The following ANKRD35 variants were observed in gnomAD, a reference collection of about 807,000 sequenced individuals.
The protein encoded by ANKRD35 is ankyrin repeat domain 35.
ANKRD35 carries 102 observed loss-of-function variants against 109.9 expected under a neutral mutation model. The ratio of observed to expected loss-of-function variants is 0.93; its 90% CI spans 0.79 to 1.09. ANKRD35 has a LOEUF of 1.09. Ranked by LOEUF, ANKRD35 falls within the 50% of genes least tolerant of loss-of-function variation. The pLI, the probability that ANKRD35 is intolerant of heterozygous loss-of-function variation, is 0.00. For synonymous variants in ANKRD35, 515 were observed against 512.4 expected, an observed-to-expected ratio of 1.01 and a Z score of -0.07; for missense variants, 1,240 against 1,230.1, an observed-to-expected ratio of 1.01 and a Z score of -0.12.
Position 145,879,307 on chromosome 1 carries a change from AGGCCAG to A in ANKRD35, c.115_120del (p.Leu39_Ala40del). 2.5e-6 allele frequency: 4 copies of A among 1,611,620 alleles called. No homozygotes were observed. Among genetic ancestry groups the A allele is most frequent in the Non-Finnish European group, 3.4e-6 (4 of 1,179,020 alleles). On this transcript the variant is annotated inframe_deletion, in exon 2 of 14. Coordinates refer to ENST00000355594, the MANE Select transcript of ANKRD35 (RefSeq NM_144698.5). ...TTGGTGGGTCGGGCAGATTTCCTGG[AGGCCAG>A]GGCAGCCACGCGTCCCACATCCCCC...
chr1:145,882,866 T>C (rs1448673324), intron 1 of ANKRD35, among the ~76,000 whole-genome samples: 2 of 152,166 alleles, frequency 1.3e-5, no homozygotes, highest in Non-Finnish European at 2.9e-5. Context: ...AAGCTTTGTA[T>C]TTCCATAGCT....
In ANKRD35 at chr1:145,870,243, C is replaced by G. The variant is rs191103028; in HGVS notation, c.2787+1739G>C. ...AGTAGCTGGGAGTACAGGCGCCCAC[C>G]ACCACGCCCGGATAATTTTTTTGTA... On this transcript the variant is annotated intron_variant, in intron 10 of 13. Transcript: ENST00000355594. Among the ~76,000 whole-genome samples the G allele has an allele frequency of 6.7e-3, 1,013 of 151,954 alleles. 12 individuals are homozygous for G. The highest frequency in any genetic ancestry group is 0.023 in the African/African-American group (961 of 41,396).
At chr1:145,879,597 A>T (rs1654214918) in intron 1 of ANKRD35, among the ~76,000 whole-genome samples, 1 of 152,068 alleles carries the variant, frequency 6.6e-6, no homozygotes, top group African/African-American at 2.4e-5. Flanking sequence ...ATTGCTGGTT[A>T]TTTCCAGCCC....
In ANKRD35 at chr1:145,872,395, C is replaced by T. The variant is rs1553738909; in HGVS notation, c.2374G>A (p.Glu792Lys). ...LEQDLGKLEE[E>K]LRAVQATMSG... ...ATCGTGGCCTGAACTGCCCGCAGCT[C>T]TTCCTCCAGCTTCCCCAGGTCTTGC... Residue 792 changes from glutamate (E) to lysine (K), a missense_variant, in exon 10 of 14, where the codon GAG (glutamate) becomes AAG (lysine). Transcript: ENST00000355594. 1 of 1,613,224 alleles carries T rather than the reference C, an allele frequency of 6.2e-7. No individual in the cohort carries two copies. The highest frequency in any genetic ancestry group is 8.5e-7 in the Non-Finnish European group (1 of 1,179,730).
rs1393504681 is a variant in ANKRD35, at chr1:145,878,007, G to T, written c.285C>A (p.Thr95=). 1 of 1,614,112 alleles carries T rather than the reference G, an allele frequency of 6.2e-7. No individual in the cohort carries two copies. The highest frequency in any genetic ancestry group is 8.5e-7 in the Non-Finnish European group (1 of 1,180,008). ...TAACACACTGTGGCTGGCAGGAGAT[G>T]GTGGCCAAGTGTAGGGCAGTGCTTC... ...EDGSTALHLA[T]ISCQPQCVKV... The change falls in exon 4 of 14, where the codon ACC becomes ACA. Residue 95 remains threonine, a synonymous_variant. Coordinates refer to ENST00000355594, the MANE Select transcript of ANKRD35 (RefSeq NM_144698.5).
At chr1:145,874,483 C>T (rs782045452) in intron 8 of ANKRD35, among the ~76,000 whole-genome samples, 3 of 152,170 alleles carry the variant, frequency 2.0e-5, no homozygotes, top group Non-Finnish European at 4.4e-5. Context: ...GTGAGCAAAA[C>T]AGAAATGGCC....
At chr1:145,874,342 T>C in intron 8 of ANKRD35, 150 bp from the exon 9 acceptor site, 1 of 879,780 alleles carries the variant, frequency 1.1e-6, no homozygotes, top group Non-Finnish European at 1.8e-6. Context: ...GCCAATCTTG[T>C]TTAGTGGATC....
At chr1:145,884,938 T>C (rs1282066900) in intron 1 of ANKRD35, among the ~76,000 whole-genome samples, 2 of 152,166 alleles carry the variant, frequency 1.3e-5, no homozygotes, top group African/African-American at 4.8e-5. Flanking sequence ...CAGGCAACTG[T>C]GCATCCTCTG....
At chr1:145,885,410 G>T (rs1417314236) in intron 1 of ANKRD35, among the ~76,000 whole-genome samples, 1 of 152,046 alleles carries the variant, frequency 6.6e-6, no homozygotes, top group Non-Finnish European at 1.5e-5. Context: ...CGGAGCAGAA[G>T]TAGGGTCAGG....
In ANKRD35 at chr1:145,872,760, C is replaced by T; in HGVS notation, c.2009G>A (p.Arg670Gln). 6.2e-7 allele frequency: 1 copy of T among 1,614,130 alleles called. No homozygotes were observed. Among genetic ancestry groups the T allele is most frequent in the Non-Finnish European group, 8.5e-7 (1 of 1,180,004 alleles). The part of the protein sequence containing the change: ...PQAQVQLQQL[R>Q]QSVGLLTNEL... ...ATTTGTCAGCAGCCCCACACTCTGT[C>T]GCAACTGCTGTAGCTGGACCTGCGC... Residue 670 changes from arginine (R) to glutamine (Q), a missense_variant, in exon 10 of 14, where the codon CGA (arginine) becomes CAA (glutamine). Physicochemically the swap from Arg to Gln is conservative, Grantham distance 43 (BLOSUM62 1). Transcript: ENST00000355594.
chr1:145,876,011 C>T (rs1553739983), intron 7 of ANKRD35, 129 bp downstream of exon 7: 1 of 773,850 alleles, frequency 1.3e-6, no homozygotes, highest in East Asian at 2.8e-5. Context: ...ATGAGGTTCC[C>T]AAGAACACAA....
chr1:145,874,543 C>A (rs1319401173), intron 8 of ANKRD35, among the ~76,000 whole-genome samples: 4 of 152,210 alleles, frequency 2.6e-5, no homozygotes, highest in Non-Finnish European at 5.9e-5. Context: ...GAGTGACCAA[C>A]AAATCACACA....
chr1:145,867,226 C>T lies in ANKRD35; in HGVS notation c.*43+61G>A, dbSNP rs1653636663. ...CAAAAGGGACTAATTTCATTCCATA[C>T]ACCTTTCCCAAGCCCTTTCTCCCAA... On this transcript the variant is annotated intron_variant, in intron 13 of 13. Transcript: ENST00000355594. 5.1e-6 allele frequency: 6 copies of T among 1,184,868 alleles called. No individual in the cohort carries two copies. The South Asian group carries it at 7.4e-5, about 15-fold the overall frequency. 73.4% of individuals were successfully genotyped at this position (1,184,868 alleles called of 1,614,324 possible).
chr1:145,880,013 A>C (rs1654230088), intron 1 of ANKRD35, among the ~76,000 whole-genome samples: 1 of 152,166 alleles, frequency 6.6e-6, no homozygotes, highest in Non-Finnish European at 1.5e-5. Flanking sequence ...CCCTTTGGCG[A>C]CCGTCTCTCT....
At position 145,873,143 on chromosome 1, in the gene ANKRD35, C is replaced by G. The variant is rs782571107; in HGVS notation, c.1626G>C (p.Glu542Asp). Reference protein sequence around the residue: ...AAWEKMEARLERVLARLEWAK... With the variant: ...AAWEKMEARLDRVLARLEWAK... Reference sequence around the variant, plus strand: ...CCCATTCCAGCCTTGCCAGCACCCGCTCCAGTCGGGCTTCCATCTTCTCCC... The same window carrying G: ...CCCATTCCAGCCTTGCCAGCACCCGGTCCAGTCGGGCTTCCATCTTCTCCC... Residue 542 changes from glutamate to aspartate, a missense_variant, in exon 10 of 14, where the codon GAG becomes GAC. Transcript: ENST00000355594. The G allele has an allele frequency of 6.2e-7, 1 of 1,614,098 alleles. No individual in the cohort carries two copies. The highest frequency in any genetic ancestry group is 2.2e-5 in the East Asian group (1 of 44,876).
intron 1 of ANKRD35, among the ~76,000 whole-genome samples, chr1:145,885,463 C>G (rs892967792): frequency 6.6e-5 from 10 of 151,652 alleles, no homozygotes; most frequent in Admixed American, 5.3e-4. Flanking sequence ...AACCAGAAAT[C>G]GGGGGTGTAG....
intron 10 of ANKRD35, among the ~76,000 whole-genome samples, chr1:145,871,116 GCTTTTTTT>G (rs1287230174): frequency 2.5e-4 from 12 of 47,906 alleles, no homozygotes; most frequent in Admixed American, 5.0e-4. Flanking sequence ...TGGTTTTCAA[GCTTTTTTT>G]CTTTCTTTCT....
At position 145,867,994 on chromosome 1, in the gene ANKRD35, A is replaced by G. The variant is rs1553738001; in HGVS notation, c.2940T>C (p.Ala980=). The change falls in exon 12 of 14, where the codon GCT becomes GCC. Residue 980 remains alanine, a synonymous_variant. Coordinates refer to ENST00000355594, the MANE Select transcript of ANKRD35 (RefSeq NM_144698.5). ...CTCAAAACTCCACCATGCTCACCCG[A>G]GCAGCATTCAGTAGATGATTCCTGT... ...STYRNHLLNA[A]RGYMEHEVYN... is the part of the protein sequence containing the mutation. The G allele has an allele frequency of 6.2e-7, 1 of 1,614,112 alleles. No homozygotes were observed. Among genetic ancestry groups the G allele is most frequent in the Admixed American group, 1.7e-5 (1 of 60,014 alleles).
At position 145,868,051 on chromosome 1, in the gene ANKRD35, G is replaced by A; in HGVS notation, c.2883C>T (p.Ser961=). 2 of 1,613,912 alleles carry A rather than the reference G, an allele frequency of 1.2e-6. No homozygotes were observed. The highest frequency in any genetic ancestry group is 1.7e-6 in the Non-Finnish European group (2 of 1,179,922). Residue 961 remains serine, a synonymous_variant, in exon 12 of 14, where the codon TCC becomes TCT. Transcript: ENST00000355594. ...NARLALQLQD[S]QKNHEEIIST... is the part of the protein sequence containing the mutation. ...AGATGATCTCTTCATGGTTCTTCTG[G>A]GAATCCTGGGAATGAACATCAATGG...
Sources: allele counts gnomAD v4.1 joint callset (sites outside exome capture counted in the v4.1 genomes callset), GRCh38; gene constraint gnomAD v4.1.1; transcripts MANE v1.5; gene names NCBI Gene and HGNC (gene_info 2026-07-23, HGNC 2026-07-21).